The following ROBO2 variants were observed in gnomAD, a reference collection of about 807,000 sequenced individuals.
The protein encoded by ROBO2 is roundabout guidance receptor 2.
ROBO2 carries 53 observed loss-of-function variants against 160.8 expected under a neutral mutation model. That is an observed-to-expected ratio of 0.33 (90% confidence interval 0.26 to 0.41). ROBO2 has a LOEUF of 0.41. ROBO2 is among the 10% of genes least tolerant of loss of function. The probability of loss-of-function intolerance (pLI) is 1.00; values close to 1 mark genes in which losing one functional copy is unlikely to be tolerated. For missense variants in ROBO2, 1,577 were observed against 1,722.4 expected, an observed-to-expected ratio of 0.92 and a Z score of 1.49; for synonymous variants, 664 against 611.7, an observed-to-expected ratio of 1.09 and a Z score of -1.26.
intron 2 of ROBO2, among the ~76,000 whole-genome samples, chr3:77,116,142 G>T (rs2074176660): frequency 6.6e-6 from 1 of 152,186 alleles, no homozygotes; most frequent in Non-Finnish European, 1.5e-5. Flanking sequence ...GGAGAAATCA[G>T]TAATGTTTGT....
At chr3:77,542,871 A>C (rs2092535594) in intron 6 of ROBO2, among the ~76,000 whole-genome samples, 1 of 150,594 alleles carries the variant, frequency 6.6e-6, no homozygotes, top group Non-Finnish European at 1.5e-5. Context: ...ATCTGATTAT[A>C]TCTTTCTTAC....
chr3:77,119,955 A>T (rs1049219155), intron 2 of ROBO2, among the ~76,000 whole-genome samples: 1 of 152,232 alleles, frequency 6.6e-6, no homozygotes, highest in African/African-American at 2.4e-5. Context: ...TGTTCTTGTC[A>T]TTCAAATGTC....
At chr3:76,941,361 TTTA>T (rs1040364932) in intron 2 of ROBO2, among the ~76,000 whole-genome samples, 6 of 152,092 alleles carry the variant, frequency 3.9e-5, no homozygotes, top group African/African-American at 1.2e-4. Flanking sequence ...TTTCAAATGT[TTTA>T]TTATTATTAT....
rs547990189 is a variant in ROBO2 at position 76,201,543 on chromosome 3, G to A, written c.109+263941G>A. Among the ~76,000 whole-genome samples, 9 of 152,244 alleles carry A rather than the reference G, an allele frequency of 5.9e-5. No homozygotes were observed. In the South Asian group the frequency reaches 8.3e-4, roughly 14 times the overall value. On this transcript the variant is annotated intron_variant, in intron 2 of 26. Transcript: ENST00000487694. Reference sequence around the variant, plus strand: ...GTTGAACTATGTCCCTGTGGCCATTGTAAACAATTGCCAGCAAAATGACAC... The same window carrying A: ...GTTGAACTATGTCCCTGTGGCCATTATAAACAATTGCCAGCAAAATGACAC...
At chr3:76,064,618 A>T (rs1250574443) in intron 2 of ROBO2, among the ~76,000 whole-genome samples, 1 of 152,176 alleles carries the variant, frequency 6.6e-6, no homozygotes, top group Non-Finnish European at 1.5e-5. Flanking sequence ...AATTACTTTT[A>T]TTCCTTTAGC....
At chr3:77,625,472 G>A (rs1419537195) in intron 23 of ROBO2, among the ~76,000 whole-genome samples, 1 of 151,860 alleles carries the variant, frequency 6.6e-6, no homozygotes, top group East Asian at 1.9e-4. Context: ...ATCCCTCTCG[G>A]GTTCAAGCGA....
At chr3:76,020,211 A>C (rs73841076) in intron 2 of ROBO2, among the ~76,000 whole-genome samples, 2,002 of 151,972 alleles carry the variant, frequency 0.013, 33 homozygotes, top group African/African-American at 0.045. Flanking sequence ...TCCTTTGACT[A>C]ATATTTAAAC....
At chr3:77,642,855 G>C in intron 24 of ROBO2, 1 of 456,708 alleles carries the variant, frequency 2.2e-6, no homozygotes, top group Non-Finnish European at 4.4e-6. Context: ...CCTCCCTAGA[G>C]TGGCAGCGAC....
chr3:77,007,451 G>A (rs552267453), intron 2 of ROBO2, among the ~76,000 whole-genome samples: 4 of 151,868 alleles, frequency 2.6e-5, no homozygotes, highest in South Asian at 2.1e-4. Flanking sequence ...ACTGCCACCC[G>A]GGTCTATATA....
intron 2 of ROBO2, among the ~76,000 whole-genome samples, chr3:76,737,958 C>A (rs930702854): frequency 1.9e-4 from 29 of 151,972 alleles, no homozygotes; most frequent in African/African-American, 6.3e-4. Flanking sequence ...GGGTGGGAGA[C>A]CCCACCTCTA....
chr3:76,343,283 A>G (rs989412935), intron 2 of ROBO2, among the ~76,000 whole-genome samples: 4 of 152,122 alleles, frequency 2.6e-5, no homozygotes, highest in Non-Finnish European at 5.9e-5. Flanking sequence ...TGTTGTAAGC[A>G]TAATTCTTCC....
chr3:75,914,736 C>T lies in ROBO2; in HGVS notation c.-14+7776C>T, dbSNP rs144415817. 1.6e-3 allele frequency among the ~76,000 whole-genome samples: 242 copies of T among 152,222 alleles called. 1 individual carries two copies. Among genetic ancestry groups the T allele is most frequent in the African/African-American group, 5.6e-3 (231 of 41,544 alleles). ...AGTAACTCTTAATGAGAATGAGTAA[C>T]GTACATGCATATTTTTAGCTCCCAG... On this transcript the variant is annotated intron_variant, in intron 1 of 26. Coordinates refer to the ROBO2 transcript ENST00000487694.
intron 2 of ROBO2, among the ~76,000 whole-genome samples, chr3:75,986,603 T>A (rs1219640098): frequency 2.0e-5 from 3 of 151,702 alleles, no homozygotes; most frequent in Non-Finnish European, 4.4e-5. Context: ...ATGTCACATC[T>A]CAGAAATCAT....
intron 2 of ROBO2, among the ~76,000 whole-genome samples, chr3:76,267,200 C>T (rs1034319668): frequency 6.6e-6 from 1 of 152,168 alleles, no homozygotes; most frequent in Non-Finnish European, 1.5e-5. Context: ...CCCTATTAGT[C>T]AAACCATCTC....
At chr3:76,779,702 G>T (rs1428791130) in intron 2 of ROBO2, among the ~76,000 whole-genome samples, 2 of 150,936 alleles carry the variant, frequency 1.3e-5, no homozygotes, top group African/African-American at 4.8e-5. Context: ...TTTAAGGCTA[G>T]TCAAGTGAAG....
At chr3:76,612,534 G>A (rs1020825423) in intron 2 of ROBO2, among the ~76,000 whole-genome samples, 17 of 152,018 alleles carry the variant, frequency 1.1e-4, no homozygotes, top group African/African-American at 3.6e-4. Context: ...GGAACATCAC[G>A]TACCAGGCCC....
At position 76,765,227 on chromosome 3, in the gene ROBO2, A is replaced by G. The variant is rs187575922; in HGVS notation, c.110-332787A>G. 4.0e-5 allele frequency among the ~76,000 whole-genome samples: 6 copies of G among 151,862 alleles called. No individual in the cohort carries two copies. The East Asian group carries it at 9.8e-4, about 25-fold the overall frequency. On this transcript the variant is annotated intron_variant, in intron 2 of 26. Transcript: ENST00000487694. ...GATAATAGGCAGCTAAACTTTAAAT[A>G]TGAAATACATAACATCTTTTTTATT... is the stretch of plus-strand genomic sequence containing the variant.
At chr3:77,553,375 C>T (rs1427382203) in intron 8 of ROBO2, among the ~76,000 whole-genome samples, 2 of 151,826 alleles carry the variant, frequency 1.3e-5, no homozygotes, top group Non-Finnish European at 2.9e-5. Flanking sequence ...TTCCTCGAGA[C>T]ACAACAGTAT....
intron 23 of ROBO2, among the ~76,000 whole-genome samples, chr3:77,624,910 GAATATT>G (rs2094977932): frequency 2.0e-5 from 3 of 152,090 alleles, no homozygotes; most frequent in Non-Finnish European, 4.4e-5. Context: ...AAGCCAATCA[GAATATT>G]AGTTCAATAA....
Sources: allele counts gnomAD v4.1 joint callset (sites outside exome capture counted in the v4.1 genomes callset), GRCh38; gene constraint gnomAD v4.1.1; transcripts MANE v1.5; gene names NCBI Gene and HGNC (gene_info 2026-07-23, HGNC 2026-07-21).